UGT1A10: variants seen among roughly 807,000 people sequenced by gnomAD.
UGT1A10 encodes UDP glucuronosyltransferase family 1 member A10, also known as UDP-glucuronosyltransferase 1A10.
UGT1A10 carries 49 observed loss-of-function variants against 45.8 expected under a neutral mutation model. The observed-to-expected ratio is 1.07, with a 90% CI of 0.85 to 1.36. UGT1A10 has a LOEUF of 1.36. Ranked by LOEUF, UGT1A10 falls within the 40% of genes most tolerant of loss-of-function variation. UGT1A10 has a pLI of 0.00. For synonymous variants in UGT1A10, 284 were observed against 249.7 expected (o/e 1.14, Z -1.29); for missense variants, 745 against 668.6 (o/e 1.11, Z -1.26).
rs944013638 is a variant in UGT1A10, at chr2:233,769,033, G to A, written c.1295+594G>A. 3.3e-5 allele frequency among the ~76,000 whole-genome samples: 5 copies of A among 152,006 alleles called. No individual in the cohort carries two copies. Among genetic ancestry groups the A allele is most frequent in the Admixed American group, 3.3e-4 (5 of 15,274 alleles). ...ATTTACATAAAAAGTTGCCATAATA[G>A]ACATCTGATCCATAAGTTTCCTGCA... On this transcript the variant is annotated intron_variant, in intron 4 of 4. Coordinates refer to ENST00000344644, the MANE Select transcript of UGT1A10 (RefSeq NM_019075.4). This position sits in a 1 kb window ranked among gnomAD's most constrained non-coding sequence, Gnocchi z 4.4.
At chr2:233,729,744 A>T (rs2077917790) in intron 1 of UGT1A10, 3 of 1,613,828 alleles carry the variant, frequency 1.9e-6, no homozygotes, top group African/African-American at 1.3e-5. Context: ...ACCACATGAC[A>T]TTCATGCAAA....
chr2:233,728,185 C>T (rs1270906872), intron 1 of UGT1A10, among the ~76,000 whole-genome samples: 1 of 152,200 alleles, frequency 6.6e-6, no homozygotes, highest in African/African-American at 2.4e-5. Flanking sequence ...CTTATCAGAA[C>T]TTGGTGCTGG....
At chr2:233,688,761 C>T (rs1179543054) in intron 1 of UGT1A10, among the ~76,000 whole-genome samples, 1 of 152,092 alleles carries the variant, frequency 6.6e-6, no homozygotes, top group Non-Finnish European at 1.5e-5. Context: ...ATCAAATGAA[C>T]ATGGCTTTGC....
chr2:233,730,592 G>C (rs1017666778), intron 1 of UGT1A10, among the ~76,000 whole-genome samples: 3 of 152,138 alleles, frequency 2.0e-5, no homozygotes, highest in African/African-American at 7.2e-5. Flanking sequence ...ACAGGGATCT[G>C]TGCTGTCAAG....
At position 233,769,722 on chromosome 2, in the gene UGT1A10, G is replaced by A. The variant is rs906143757; in HGVS notation, c.1295+1283G>A. ...AGATCAATGTTGGCTAGGCACCATG[G>A]CACACGCCTGTAGTCCCAGCCACTC... On this transcript the variant is annotated intron_variant, in intron 4 of 4. Coordinates refer to ENST00000344644, the MANE Select transcript of UGT1A10 (RefSeq NM_019075.4). The surrounding 1 kb of genome is among the most constrained non-coding windows in gnomAD (Gnocchi z 4.4). 8 of 1,484,822 alleles carry A rather than the reference G, an allele frequency of 5.4e-6. No individual in the cohort carries two copies. Among genetic ancestry groups the A allele is most frequent in the East Asian group, 5.0e-5 (2 of 40,322 alleles). 92.0% of individuals were successfully genotyped at this position (1,484,822 alleles called of 1,614,324 possible).
At chr2:233,706,468 T>C (rs2075909153) in intron 1 of UGT1A10, among the ~76,000 whole-genome samples, 1 of 152,230 alleles carries the variant, frequency 6.6e-6, no homozygotes, top group African/African-American at 2.4e-5. Flanking sequence ...GGTTTCACCA[T>C]AGGCTGGGTA....
rs558793196 is a variant in UGT1A10, at chr2:233,687,763, G to A, written c.855+50386G>A. Among the ~76,000 whole-genome samples, 108 of 152,010 alleles carry A rather than the reference G, an allele frequency of 7.1e-4. 1 individual carries two copies. The highest frequency in any genetic ancestry group is 2.3e-3 in the African/African-American group (97 of 41,446). On this transcript the variant is annotated intron_variant, in intron 1 of 4. Transcript: ENST00000344644. ...ACAAAAAATGTTTTAAAAATTAGCT[G>A]GGCCTGGTGGCATATGCCTGTGGTC...
rs921372679 is a variant in UGT1A10 at position 233,637,176 on chromosome 2, A to G, written c.654A>G (p.Leu218=). 6.2e-7 allele frequency: 1 copy of G among 1,613,928 alleles called. No individual in the cohort carries two copies. The highest frequency in any genetic ancestry group is 1.1e-5 in the South Asian group (1 of 91,074). Reference sequence around the variant, plus strand: ...ACATCGTGCACTTGGAGGACCATTTATTTTGCCAGTATCTTTTTAGAAATG... The same window carrying G: ...ACATCGTGCACTTGGAGGACCATTTGTTTTGCCAGTATCTTTTTAGAAATG... ...WNHIVHLEDH[L]FCQYLFRNAL... Residue 218 remains leucine, a synonymous_variant, in exon 1 of 5, where the codon TTA becomes TTG. Transcript: ENST00000344644.
intron 1 of UGT1A10, chr2:233,754,785 C>A (rs751766973): frequency 1.7e-6 from 2 of 1,177,776 alleles, no homozygotes; most frequent in Non-Finnish European, 2.3e-6. Context: ...GCCAAAGGAA[C>A]GAAATCCTGT....
At chr2:233,733,672 G>A (rs1353617171) in intron 1 of UGT1A10, among the ~76,000 whole-genome samples, 2 of 152,204 alleles carry the variant, frequency 1.3e-5, no homozygotes, top group African/African-American at 4.8e-5. Flanking sequence ...GATCGATGTG[G>A]ATAAACTTTT....
chr2:233,766,270 CGG>C (rs1699091284), intron 1 of UGT1A10, among the ~76,000 whole-genome samples: 2 of 67,854 alleles, frequency 2.9e-5, no homozygotes, highest in Non-Finnish European at 5.8e-5. Flanking sequence ...GGCCCGGGCT[CGG>C]TGGCCCGGGC....
At chr2:233,741,065 C>T (rs978483126) in intron 1 of UGT1A10, among the ~76,000 whole-genome samples, 7 of 151,774 alleles carry the variant, frequency 4.6e-5, no homozygotes, top group African/African-American at 7.3e-5. Context: ...AGCTACAGAG[C>T]GAGACCCTGT....
rs146693320 is a variant in UGT1A10 at position 233,769,441 on chromosome 2, G to A, written c.1295+1002G>A. On this transcript the variant is annotated intron_variant, in intron 4 of 4. Transcript: ENST00000344644. The surrounding 1 kb of genome is among the most constrained non-coding windows in gnomAD (Gnocchi z 4.4). The stretch of plus-strand genomic sequence containing the variant: ...TGCATGTGGCTGTGCTCATGTGTGG[G>A]TGCACACGTGTGCATTCATATGCGT... 108 of 1,546,728 alleles carry A rather than the reference G, an allele frequency of 7.0e-5. No individual in the cohort carries two copies. Among genetic ancestry groups the A allele is most frequent in the Non-Finnish European group, 9.1e-5 (102 of 1,123,582 alleles).
In UGT1A10 at chr2:233,769,925, T is replaced by TG. The variant is rs2126049712; in HGVS notation, c.1295+1488dup. ...CATGTGCCCAGAGCGTTGGGTGGTG[T>TG]GGTCCCATTCCTTCCTTCCAGCGGC... On this transcript the variant is annotated intron_variant, in intron 4 of 4. Transcript: ENST00000344644. This position sits in a 1 kb window ranked among gnomAD's most constrained non-coding sequence, Gnocchi z 4.4. The TG allele has an allele frequency of 3.8e-6, 1 of 266,564 alleles. No individual in the cohort carries two copies. Among genetic ancestry groups the TG allele is most frequent in the Admixed American group, 5.1e-5 (1 of 19,790 alleles). 16.5% of individuals were successfully genotyped at this position (266,564 alleles called of 1,614,324 possible). A position where few individuals can be genotyped will look rare whatever the true frequency, so the allele number is the denominator to read the frequency against.
chr2:233,643,014 C>A (rs1016102191), intron 1 of UGT1A10, among the ~76,000 whole-genome samples: 1 of 152,224 alleles, frequency 6.6e-6, no homozygotes, highest in Admixed American at 6.5e-5. Context: ...ACCAGCACAG[C>A]TCTGGGTCTC....
intron 1 of UGT1A10, chr2:233,760,769 C>A: frequency 3.7e-6 from 6 of 1,614,028 alleles, no homozygotes; most frequent in Non-Finnish European, 5.1e-6. Flanking sequence ...CCCATCGTGG[C>A]CCAGTACCTG....
At chr2:233,694,008 G>C in intron 1 of UGT1A10, 3 of 1,456,452 alleles carry the variant, frequency 2.1e-6, no homozygotes, top group Non-Finnish European at 2.8e-6. Context: ...TCGGAGCAGC[G>C]GGAACACATA....
chr2:233,772,831 T>TCACACAAGAAAGCCAGCAAGGAAGCAAGG lies in UGT1A10; in HGVS notation c.*273_*274insACACAAGAAAGCCAGCAAGGAAGCAAGGC. On this transcript the variant is annotated 3_prime_UTR_variant, in exon 5 of 5. Coordinates refer to ENST00000344644, the MANE Select transcript of UGT1A10 (RefSeq NM_019075.4). ...AGAGGACGTGCAGACAGGCTGGCAT[T>TCACACAAGAAAGCCAGCAAGGAAGCAAGG]CTAGATTACTTTTCTTACTCTGAAA... The TCACACAAGAAAGCCAGCAAGGAAGCAAGG allele has an allele frequency of 4.5e-6, 4 of 893,952 alleles. No individual in the cohort carries two copies. Among genetic ancestry groups the TCACACAAGAAAGCCAGCAAGGAAGCAAGG allele is most frequent in the Non-Finnish European group, 6.2e-6 (4 of 642,656 alleles). 55.4% of individuals were successfully genotyped at this position (893,952 alleles called of 1,614,324 possible).
At chr2:233,690,659 A>C (rs2075001843) in intron 1 of UGT1A10, 1 of 1,280,562 alleles carries the variant, frequency 7.8e-7, no homozygotes, top group Non-Finnish European at 1.0e-6. Flanking sequence ...CTACAGCACC[A>C]ACCAGGGCAG....
Sources: gnomAD v4.1 joint callset for allele counts (sites outside exome capture counted in the v4.1 genomes callset) on GRCh38, gnomAD v4.1.1 for gene constraint, Gnocchi (gnomAD v3.1) non-coding constraint, MANE v1.5 for transcripts, NCBI Gene and HGNC (gene_info 2026-07-23, HGNC 2026-07-21) for gene names.